The following SPATS2L variants were observed in gnomAD, a reference collection of about 807,000 sequenced individuals.
SPATS2L encodes the protein SPATS2-like protein.
In SPATS2L, 30 loss-of-function variants were observed where a neutral mutation model predicts 59.6. The ratio of observed to expected loss-of-function variants is 0.50; its 90% CI spans 0.38 to 0.68. The LOEUF is 0.68. Among genes scored for constraint, SPATS2L ranks in the 30% least tolerant of loss-of-function variants. SPATS2L has a pLI of 0.00. For synonymous variants in SPATS2L, 252 were observed against 263.5 expected (o/e 0.96, Z 0.42); for missense variants, 615 against 700.0 (o/e 0.88, Z 1.37).
intron 9 of SPATS2L, chr2:200,461,293 C>A (rs1187893475): frequency 6.6e-6 from 1 of 152,128 alleles, no homozygotes; most frequent in Non-Finnish European, 1.5e-5. Flanking sequence ...TTATCTTGAT[C>A]ATTGCAAAAC....
intron 3 of SPATS2L, among the ~76,000 whole-genome samples, chr2:200,398,938 AT>A (rs546410207): frequency 5.1e-4 from 78 of 152,238 alleles, no homozygotes; most frequent in African/African-American, 1.8e-3. Context: ...CTGGCATAAC[AT>A]TTCTGATGCC....
intron 8 of SPATS2L, among the ~76,000 whole-genome samples, chr2:200,449,065 C>G (rs10183890): frequency 0.035 from 5,387 of 152,262 alleles, 117 homozygotes; most frequent in African/African-American, 0.062. Context: ...AAGGCAAGTC[C>G]CTGTAGTGCA....
At chr2:200,467,519 C>A in intron 10 of SPATS2L, 120 bp downstream of exon 10, 1 of 686,336 alleles carries the variant, frequency 1.5e-6, no homozygotes, top group Non-Finnish European at 2.6e-6. Context: ...AGCTCTCTTC[C>A]ACAGGGTGGA....
At chr2:200,325,120 A>G (rs917562590) in intron 1 of SPATS2L, among the ~76,000 whole-genome samples, 3 of 152,350 alleles carry the variant, frequency 2.0e-5, no homozygotes, top group African/African-American at 7.2e-5. Flanking sequence ...AAAAAAAGAA[A>G]AGCCAGGGAA....
At chr2:200,363,912 A>G (rs1285422785) in intron 2 of SPATS2L, among the ~76,000 whole-genome samples, 1 of 152,216 alleles carries the variant, frequency 6.6e-6, no homozygotes, top group African/African-American at 2.4e-5. Flanking sequence ...CACTCACTTC[A>G]GTGTTAGTAT....
chr2:200,416,460 A>T (rs1221861235), intron 5 of SPATS2L, 32 bp downstream of exon 5: 3 of 1,237,824 alleles, frequency 2.4e-6, no homozygotes, highest in Non-Finnish European at 3.3e-6. Context: ...AATTGGTAAC[A>T]TCTTCAATCA....
intron 1 of SPATS2L, among the ~76,000 whole-genome samples, chr2:200,319,535 A>G (rs977460520): frequency 7.3e-6 from 1 of 137,310 alleles, no homozygotes; most frequent in African/African-American, 2.7e-5. Flanking sequence ...ACTGCACTCC[A>G]GCCTAGGTGA....
chr2:200,343,343 A>G (rs955860469), intron 2 of SPATS2L, among the ~76,000 whole-genome samples: 23 of 152,286 alleles, frequency 1.5e-4, no homozygotes, highest in Admixed American at 1.4e-3. Context: ...ATATAAAATC[A>G]CCTAATCGAT....
At chr2:200,441,804 C>T (rs1468915734) in intron 8 of SPATS2L, among the ~76,000 whole-genome samples, 5 of 152,170 alleles carry the variant, frequency 3.3e-5, no homozygotes, top group Admixed American at 6.5e-5. Context: ...AACATATTCT[C>T]TATATCTCAT....
intron 6 of SPATS2L, among the ~76,000 whole-genome samples, chr2:200,420,889 G>A (rs776192172): frequency 6.6e-5 from 10 of 151,796 alleles, no homozygotes; most frequent in Non-Finnish European, 1.2e-4. Flanking sequence ...CAACCCCACC[G>A]CCAACACACA....
chr2:200,474,447 C>T (rs1283904293), intron 12 of SPATS2L, among the ~76,000 whole-genome samples: 2 of 151,976 alleles, frequency 1.3e-5, no homozygotes, highest in Non-Finnish European at 2.9e-5. Context: ...GCTGGGACTA[C>T]AGGCACGTGC....
At chr2:200,396,037 T>TAA (rs2082337886) in intron 3 of SPATS2L, among the ~76,000 whole-genome samples, 4 of 23,174 alleles carry the variant, frequency 1.7e-4, no homozygotes, top group Admixed American at 7.4e-4. Context: ...AAAAAAAATA[T>TAA]ATATATATAT....
intron 1 of SPATS2L, among the ~76,000 whole-genome samples, chr2:200,313,735 C>G (rs1345436163): frequency 6.6e-6 from 1 of 152,154 alleles, no homozygotes; most frequent in Non-Finnish European, 1.5e-5. Flanking sequence ...GTACACATCC[C>G]GCACCTCGCC....
intron 1 of SPATS2L, among the ~76,000 whole-genome samples, chr2:200,325,464 T>C (rs928675700): frequency 7.9e-5 from 12 of 152,190 alleles, no homozygotes; most frequent in African/African-American, 2.9e-4. Context: ...CTGCAACCTC[T>C]GCCTCCCGGG....
At chr2:200,339,028 A>T (rs556374812) in intron 2 of SPATS2L, among the ~76,000 whole-genome samples, 24 of 152,378 alleles carry the variant, frequency 1.6e-4, no homozygotes, top group Admixed American at 1.4e-3. Context: ...CAAAGTACAC[A>T]TCATCCTCCA....
chr2:200,435,124 AGTCT>A (rs1365182821), intron 6 of SPATS2L, among the ~76,000 whole-genome samples: 3 of 152,164 alleles, frequency 2.0e-5, no homozygotes, highest in Non-Finnish European at 2.9e-5. Context: ...TATTAAGGTC[AGTCT>A]ATTTCTCATT....
At chr2:200,384,327 GT>G (rs2081920201) in intron 2 of SPATS2L, among the ~76,000 whole-genome samples, 1 of 144,546 alleles carries the variant, frequency 6.9e-6, no homozygotes, top group Non-Finnish European at 1.5e-5. Flanking sequence ...CATATTTGTG[GT>G]TCATAAATTT....
chr2:200,466,528 G>A (rs931193724), intron 9 of SPATS2L, among the ~76,000 whole-genome samples: 5 of 152,214 alleles, frequency 3.3e-5, no homozygotes, highest in African/African-American at 1.2e-4. Context: ...TGAACCTTTA[G>A]TTCATCTGAA....
intron 1 of SPATS2L, chr2:200,309,131 A>G (rs1277838659): frequency 1.4e-6 from 1 of 717,666 alleles, no homozygotes; most frequent in South Asian, 1.5e-5. Flanking sequence ...AGCTTTAGAA[A>G]TATCTCACTT....
Sources: allele counts gnomAD v4.1 joint callset (sites outside exome capture counted in the v4.1 genomes callset), GRCh38; gene constraint gnomAD v4.1.1; transcripts MANE v1.5; gene names NCBI Gene and HGNC (gene_info 2026-07-23, HGNC 2026-07-21).